The following LRP1B variants were observed in gnomAD, a reference collection of about 807,000 sequenced individuals.
LRP1B encodes the protein low-density lipoprotein receptor-related protein 1B.
A neutral mutation model predicts 556.6 loss-of-function variants in LRP1B; 217 were observed. The ratio of observed to expected loss-of-function variants is 0.39; its 90% CI spans 0.35 to 0.44. LRP1B has a LOEUF of 0.44. Ranked by LOEUF, LRP1B falls within the 20% of genes least tolerant of loss-of-function variation. LRP1B has a pLI of 1.00. For missense variants in LRP1B, 5,053 were observed against 5,620.8 expected (o/e 0.90, Z 3.23); for synonymous variants, 2,047 against 1,865.8 (o/e 1.10, Z -2.50).
chr2:141,409,479 G>A (rs572412246), intron 3 of LRP1B, among the ~76,000 whole-genome samples: 17 of 152,154 alleles, frequency 1.1e-4, no homozygotes, highest in Non-Finnish European at 1.9e-4. Flanking sequence ...CGTTCAATAC[G>A]AATCAGTTCC....
chr2:141,239,395 T>C (rs1266302741), intron 5 of LRP1B, among the ~76,000 whole-genome samples: 2 of 152,054 alleles, frequency 1.3e-5, no homozygotes, highest in Admixed American at 1.3e-4. Context: ...AGTTTTTCTA[T>C]GCAGGAAAAA....
intron 20 of LRP1B, among the ~76,000 whole-genome samples, chr2:140,941,766 A>T (rs1695410250): frequency 6.6e-6 from 1 of 152,164 alleles, no homozygotes; most frequent in Non-Finnish European, 1.5e-5. Context: ...TTTGAGGGAA[A>T]AGAGAATATA....
rs142769099 is a variant in LRP1B, at chr2:140,402,206, G to A, written c.10415-16197C>T. ...CAAGGGAACACCCCGTGGGACAAATGAACCCAGATGGCAGGCCTTGGGTTC... is the reference window on the plus strand; with the variant it reads ...CAAGGGAACACCCCGTGGGACAAATAAACCCAGATGGCAGGCCTTGGGTTC... On this transcript the variant is annotated intron_variant, in intron 66 of 90. Coordinates refer to ENST00000389484, the MANE Select transcript of LRP1B (RefSeq NM_018557.3). 3.5e-3 allele frequency among the ~76,000 whole-genome samples: 528 copies of A among 152,332 alleles called. 4 individuals carry two copies. Among genetic ancestry groups the A allele is most frequent in the African/African-American group, 0.012 (511 of 41,576 alleles).
Position 140,776,092 on chromosome 2 carries a change from A to G in LRP1B, c.5500+6T>C, listed in dbSNP as rs767159311. Reference sequence around the variant, plus strand: ...GACCTGGCACAAATTCATTAGTGTGATTTACCTTGCTGTGCTTCTTTATCA... The same window carrying G: ...GACCTGGCACAAATTCATTAGTGTGGTTTACCTTGCTGTGCTTCTTTATCA... On this transcript the variant is annotated splice_donor_region_variant and intron_variant, in intron 33 of 90. Coordinates refer to ENST00000389484, the MANE Select transcript of LRP1B (RefSeq NM_018557.3). 3.9e-6 allele frequency: 6 copies of G among 1,554,470 alleles called. No individual in the cohort carries two copies. In the South Asian group the frequency reaches 7.2e-5, roughly 19 times the overall value.
intron 1 of LRP1B, among the ~76,000 whole-genome samples, chr2:142,111,468 T>C (rs1269289170): frequency 6.6e-6 from 1 of 152,116 alleles, no homozygotes; most frequent in East Asian, 1.9e-4. Flanking sequence ...TGCATTCAAG[T>C]ATAGGAAGCA....
intron 3 of LRP1B, among the ~76,000 whole-genome samples, chr2:141,356,353 T>C (rs1050882693): frequency 6.6e-6 from 1 of 152,120 alleles, no homozygotes; most frequent in African/African-American, 2.4e-5. Flanking sequence ...AAGTGCACAG[T>C]TGGAATTTTC....
rs1491148843 is a variant in LRP1B, at chr2:140,766,844, T to TATA, written c.5758+2368_5758+2369insTAT. ...TAAAATATATATATATATATATATA[T>TATA]TATATATATATATATATATATAATA... On this transcript the variant is annotated intron_variant, in intron 35 of 90. Transcript: ENST00000389484. Among the ~76,000 whole-genome samples the TATA allele has an allele frequency of 4.9e-3, 270 of 54,890 alleles. 5 individuals carry two copies. The highest frequency in any genetic ancestry group is 0.014 in the African/African-American group (241 of 16,656). The allele number at this position is 54,890 out of a possible 152,430, so 36.0% of individuals were successfully genotyped here.
chr2:141,083,397 A>T (rs1299303931), intron 7 of LRP1B, among the ~76,000 whole-genome samples: 1 of 151,984 alleles, frequency 6.6e-6, no homozygotes, highest in Non-Finnish European at 1.5e-5. Flanking sequence ...TAAAAAAAAA[A>T]AAAAAGAACT....
At chr2:141,093,316 G>A (rs903596261) in intron 7 of LRP1B, among the ~76,000 whole-genome samples, 5 of 152,004 alleles carry the variant, frequency 3.3e-5, no homozygotes, top group African/African-American at 1.2e-4. Flanking sequence ...TCTGTTGCAC[G>A]TATTTTCTCA....
intron 25 of LRP1B, among the ~76,000 whole-genome samples, chr2:140,868,833 G>C (rs1324509536): frequency 1.3e-5 from 2 of 152,046 alleles, no homozygotes; most frequent in Non-Finnish European, 2.9e-5. Flanking sequence ...CTTTTAAGTA[G>C]AGGAGAAATG....
At chr2:140,569,042 A>G (rs1681226354) in intron 43 of LRP1B, among the ~76,000 whole-genome samples, 1 of 152,046 alleles carries the variant, frequency 6.6e-6, no homozygotes, top group African/African-American at 2.4e-5. Context: ...ACTCAAAAGT[A>G]TAAAGTGGTA....
intron 2 of LRP1B, among the ~76,000 whole-genome samples, chr2:141,791,938 T>TA (rs1261726711): frequency 1.3e-5 from 2 of 152,024 alleles, no homozygotes; most frequent in East Asian, 3.9e-4. Context: ...AGAGAGTACA[T>TA]AGATTCCCAT....
intron 1 of LRP1B, among the ~76,000 whole-genome samples, chr2:141,994,585 A>G (rs1449207686): frequency 6.6e-6 from 1 of 152,110 alleles, no homozygotes; most frequent in Non-Finnish European, 1.5e-5. Flanking sequence ...CTATCTCTCT[A>G]TTGGAAAGGA....
intron 6 of LRP1B, among the ~76,000 whole-genome samples, chr2:141,209,552 G>A (rs1682452643): frequency 6.6e-6 from 1 of 152,088 alleles, no homozygotes; most frequent in African/African-American, 2.4e-5. Flanking sequence ...TTTTATGGAA[G>A]GAATTCTCAC....
rs993448889 is a variant in LRP1B, at chr2:140,431,289, C to G, written c.10414+11215G>C. 3.2e-4 allele frequency among the ~76,000 whole-genome samples: 48 copies of G among 152,176 alleles called. 1 individual carries two copies. The highest frequency in any genetic ancestry group is 1.1e-3 in the African/African-American group (47 of 41,448). On this transcript the variant is annotated intron_variant, in intron 66 of 90. Transcript: ENST00000389484. ...CTGGACAATACTTTTACCACTTTCC[C>G]TTCTCAGATTCAGGCCTGTCCTCGG...
chr2:140,934,452 T>G (rs574624083), intron 20 of LRP1B, among the ~76,000 whole-genome samples: 1 of 152,278 alleles, frequency 6.6e-6, no homozygotes, highest in Non-Finnish European at 1.5e-5. Context: ...AGGATCTTTC[T>G]AATGCAAACT....
chr2:141,986,920 A>G (rs564928645), intron 1 of LRP1B, among the ~76,000 whole-genome samples: 2 of 152,116 alleles, frequency 1.3e-5, no homozygotes, highest in South Asian at 4.1e-4. Context: ...AGCATGGTAT[A>G]GTGCTTCAAG....
chr2:140,641,484 C>T (rs1167248124), intron 41 of LRP1B, among the ~76,000 whole-genome samples: 3 of 152,174 alleles, frequency 2.0e-5, no homozygotes, highest in Admixed American at 6.6e-5. Flanking sequence ...AGGCATTAAG[C>T]TCTCTTACCA....
chr2:141,393,275 C>T (rs964100144), intron 3 of LRP1B, among the ~76,000 whole-genome samples: 2 of 151,998 alleles, frequency 1.3e-5, no homozygotes, highest in Non-Finnish European at 2.9e-5. Flanking sequence ...TGTTTAGAAG[C>T]AGTTAATGAG....
Sources: gnomAD v4.1 joint callset for allele counts (sites outside exome capture counted in the v4.1 genomes callset) on GRCh38, gnomAD v4.1.1 for gene constraint, MANE v1.5 for transcripts, NCBI Gene and HGNC (gene_info 2026-07-23, HGNC 2026-07-21) for gene names.